Variants in CENPH observed in about 807,000 individuals in gnomAD.
CENPH encodes CENP-H.
Under a neutral mutation model 42.9 loss-of-function variants are expected in CENPH, and 40 were observed. The ratio of observed to expected loss-of-function variants is 0.93; its 90% CI spans 0.72 to 1.21. The LOEUF (loss-of-function observed/expected upper bound fraction) is 1.21. CENPH is among the 50% of genes most tolerant of loss of function. The probability of loss-of-function intolerance (pLI) is 0.00; values close to 1 mark genes in which losing one functional copy is unlikely to be tolerated. For missense variants in CENPH, 302 were observed against 292.9 expected (o/e 1.03, Z -0.23); for synonymous variants, 88 against 96.5 (o/e 0.91, Z 0.52).
In CENPH at chr5:69,189,743, G is replaced by T. The variant is rs1747832398; in HGVS notation, c.109G>T (p.Glu37Ter). ...CGCCGGCGCCCAGGCGGCGTGCAGC[G>T]AGGACCGCATGACCCTGCTCCTCAG... The part of the protein sequence containing the change: ...QVAGAQAACS[E>*]DRMTLLLRLR... Residue 37 changes from glutamate to a stop codon, truncating the protein, a stop_gained, in exon 1 of 9, where the codon GAG becomes TAG. Coordinates refer to ENST00000283006, the MANE Select transcript of CENPH (RefSeq NM_022909.4). LOFTEE classifies it high-confidence loss of function. 1.3e-6 allele frequency: 2 copies of T among 1,544,930 alleles called. No homozygotes were observed. Among genetic ancestry groups the T allele is most frequent in the South Asian group, 1.2e-5 (1 of 83,758 alleles).
rs530678541 is a variant in CENPH at position 69,204,597 on chromosome 5, C to CTTTTTTTTTTTT, written c.487+1640_487+1651dup. ...GAGCTACCACACCTGGCTTGTATTT[C>CTTTTTTTTTTTT]TTTTTTTTTTTTTTTTTTTTTTTTG... On this transcript the variant is annotated intron_variant, in intron 7 of 8. Coordinates refer to ENST00000283006, the MANE Select transcript of CENPH (RefSeq NM_022909.4). 6.2e-4 allele frequency among the ~76,000 whole-genome samples: 43 copies of CTTTTTTTTTTTT among 69,594 alleles called. 6 individuals carry two copies. The highest frequency in any genetic ancestry group is 1.9e-3 in the South Asian group (3 of 1,540). 45.7% of individuals were successfully genotyped at this position (69,594 alleles called of 152,430 possible).
intron 3 of CENPH, among the ~76,000 whole-genome samples, chr5:69,195,058 C>T (rs1318569075): frequency 1.3e-5 from 2 of 151,994 alleles, no homozygotes; most frequent in Non-Finnish European, 1.5e-5. Flanking sequence ...GGAGAAACCC[C>T]ATCTCTACTG....
chr5:69,198,964 A>C (rs1748012563), intron 5 of CENPH, among the ~76,000 whole-genome samples: 1 of 151,558 alleles, frequency 6.6e-6, no homozygotes, highest in African/African-American at 2.4e-5. Flanking sequence ...AAAAAAAGAC[A>C]TTCTTGAGTT....
intron 1 of CENPH, 49 bp downstream of exon 1, chr5:69,189,817 C>T (rs375955021): frequency 7.1e-7 from 1 of 1,415,154 alleles, no homozygotes; most frequent in Non-Finnish European, 9.2e-7. Flanking sequence ...CGTTGTGGCC[C>T]GGAACTCCGC....
chr5:69,194,783 A>C (rs1221996310), intron 3 of CENPH, 88 bp downstream of exon 3: 2 of 824,354 alleles, frequency 2.4e-6, no homozygotes, highest in African/African-American at 3.5e-5. Context: ...GAGTCTCACT[A>C]TCATGCAGGC....
At chr5:69,205,739 C>T (rs1374180271) in intron 7 of CENPH, among the ~76,000 whole-genome samples, 69 of 115,076 alleles carry the variant, frequency 6.0e-4, no homozygotes, top group Admixed American at 1.4e-3. Context: ...GACGGAGTCT[C>T]GCTCTGTCGC....
intron 2 of CENPH, among the ~76,000 whole-genome samples, chr5:69,193,205 A>G (rs1236230135): frequency 6.6e-6 from 1 of 151,846 alleles, no homozygotes; most frequent in Non-Finnish European, 1.5e-5. Context: ...ATATATATGT[A>G]TATGTATATA....
At position 69,191,006 on chromosome 5, in the gene CENPH, AC is replaced by A. The variant is rs1747861524; in HGVS notation, c.135-787del. Reference sequence around the variant, plus strand: ...CTCACCCTTGCTGTCATCTTAAATTACCATTTGCTCATAGTTTTTCTACTTA... The same window carrying A: ...CTCACCCTTGCTGTCATCTTAAATTACATTTGCTCATAGTTTTTCTACTTA... On this transcript the variant is annotated intron_variant, in intron 1 of 8. Coordinates refer to ENST00000283006, the MANE Select transcript of CENPH (RefSeq NM_022909.4). 3.3e-5 allele frequency among the ~76,000 whole-genome samples: 5 copies of A among 152,234 alleles called. No individual in the cohort carries two copies. In the South Asian group the frequency reaches 1.0e-3, roughly 32 times the overall value.
intron 2 of CENPH, among the ~76,000 whole-genome samples, chr5:69,193,631 G>A (rs999378463): frequency 2.0e-5 from 3 of 151,280 alleles, no homozygotes; most frequent in Non-Finnish European, 2.9e-5. Context: ...CCCAAAAAAA[G>A]ATACAGAACA....
At chr5:69,194,838 C>T in intron 3 of CENPH, 143 bp downstream of exon 3, 1 of 497,032 alleles carries the variant, frequency 2.0e-6, no homozygotes, top group Non-Finnish European at 3.6e-6. Context: ...CCACAACCTC[C>T]TGGGCTCAAG....
At chr5:69,204,168 T>C (rs549754001) in intron 7 of CENPH, among the ~76,000 whole-genome samples, 18 of 143,854 alleles carry the variant, frequency 1.3e-4, no homozygotes, top group African/African-American at 4.7e-4. Flanking sequence ...GTTTTTTGTA[T>C]TGAAACTGTT....
intron 7 of CENPH, among the ~76,000 whole-genome samples, chr5:69,205,476 C>T (rs975353785): frequency 5.3e-5 from 8 of 152,080 alleles, no homozygotes; most frequent in Non-Finnish European, 1.2e-4. Context: ...TTCTCCCCGC[C>T]TCTGCCTCCC....
intron 5 of CENPH, among the ~76,000 whole-genome samples, chr5:69,198,438 T>C (rs933628454): frequency 5.3e-5 from 8 of 151,984 alleles, no homozygotes; most frequent in Non-Finnish European, 1.2e-4. Context: ...TACAGGCACC[T>C]GCTACAACTC....
At chr5:69,195,865 CTT>C (rs1346123323) in intron 4 of CENPH, 74 bp downstream of exon 4, 4 of 717,544 alleles carry the variant, frequency 5.6e-6, no homozygotes, top group Non-Finnish European at 9.7e-6. Context: ...TGGAGGGAAT[CTT>C]TTAACTGGGC....
In CENPH at chr5:69,198,209, C is replaced by T. The variant is rs1237286263; in HGVS notation, c.371+1100C>T. ...TCCTGGGATTACAGGTGTGAGCCAC[C>T]GCACCCGGCCTCTTACCTATGATCT... is the stretch of plus-strand genomic sequence containing the variant. On this transcript the variant is annotated intron_variant, in intron 5 of 8. Transcript: ENST00000283006. Among the ~76,000 whole-genome samples the T allele has an allele frequency of 4.0e-5, 6 of 151,896 alleles. No homozygotes were observed. The South Asian group carries it at 1.2e-3, about 32-fold the overall frequency.
intron 5 of CENPH, among the ~76,000 whole-genome samples, chr5:69,198,766 C>T (rs1057248460): frequency 4.6e-5 from 7 of 151,956 alleles, no homozygotes; most frequent in Admixed American, 4.6e-4. Flanking sequence ...GGCCTCATCT[C>T]TACAAAAAAT....
In CENPH at chr5:69,201,071, C is replaced by A. The variant is rs540357359; in HGVS notation, c.372-1435C>A. ...AAACTCCTGAGCTCAAGCAATCCTC[C>A]TGCCTCAGCCTCCAAAAGTGCTGGG... is the stretch of plus-strand genomic sequence containing the variant. On this transcript the variant is annotated intron_variant, in intron 5 of 8. Transcript: ENST00000283006. 5.3e-5 allele frequency among the ~76,000 whole-genome samples: 8 copies of A among 151,734 alleles called. No homozygotes were observed. The South Asian group carries it at 1.2e-3, about 24-fold the overall frequency.
intron 5 of CENPH, among the ~76,000 whole-genome samples, chr5:69,202,091 A>AT (rs544032138): frequency 3.7e-4 from 56 of 152,334 alleles, no homozygotes; most frequent in African/African-American, 1.3e-3. Context: ...GCTCTAAAAA[A>AT]TACATTCAAA....
At chr5:69,199,244 T>G (rs1402117143) in intron 5 of CENPH, among the ~76,000 whole-genome samples, 1 of 152,166 alleles carries the variant, frequency 6.6e-6, no homozygotes, top group Non-Finnish European at 1.5e-5. Flanking sequence ...AGTGGCGTGA[T>G]CCTAGCTCAC....
Sources: gnomAD v4.1 joint callset for allele counts (sites outside exome capture counted in the v4.1 genomes callset) on GRCh38, gnomAD v4.1.1 for gene constraint, MANE v1.5 for transcripts, NCBI Gene and HGNC (gene_info 2026-07-23, HGNC 2026-07-21) for gene names.